The following CABP7 variants were observed in gnomAD, a reference collection of about 807,000 sequenced individuals.
CABP7 encodes the protein calcium-binding protein 7.
Under a neutral mutation model 23.1 loss-of-function variants are expected in CABP7, and 13 were observed. That is an observed-to-expected ratio of 0.56 (90% CI 0.37 to 0.90). CABP7 has a LOEUF of 0.90. Among genes scored for constraint, CABP7 ranks in the 40% least tolerant of loss-of-function variants. The pLI, the probability that CABP7 is intolerant of heterozygous loss-of-function variation, is 0.01. For missense variants in CABP7, 248 were observed against 295.6 expected, an observed-to-expected ratio of 0.84 and a Z score of 1.18; for synonymous variants, 123 against 115.3, an observed-to-expected ratio of 1.07 and a Z score of -0.43.
At chr22:29,723,683 A>T (rs2067777176) in intron 1 of CABP7, among the ~76,000 whole-genome samples, 1 of 152,158 alleles carries the variant, frequency 6.6e-6, no homozygotes, top group South Asian at 2.1e-4. Context: ...GAGGCTGGGG[A>T]GTCCCCTTTC....
chr22:29,727,775 GA>G lies in CABP7; in HGVS notation c.224del (p.Glu75GlyfsTer21). Reference sequence around the variant, plus strand: ...TTACATGCCCAACGAGGTGGAGCTGGAGGTCATCATCCAGCGGCTGGACATG... The same window carrying G: ...TTACATGCCCAACGAGGTGGAGCTGGGGTCATCATCCAGCGGCTGGACATG... ...LGYMPNEVEL[E>X]VIIQRLDMDG... On this transcript the variant is annotated frameshift_variant, in exon 2 of 5. Coordinates refer to ENST00000216144, the MANE Select transcript of CABP7 (RefSeq NM_182527.3). LOFTEE classifies it high-confidence loss of function. The surrounding 1 kb of genome is among the most constrained non-coding windows in gnomAD (Gnocchi z 4.2). The G allele has an allele frequency of 2.5e-6, 4 of 1,612,162 alleles. No homozygotes were observed. The highest frequency in any genetic ancestry group is 3.4e-6 in the Non-Finnish European group (4 of 1,179,048).
At chr22:29,726,706 G>A (rs2067797732) in intron 1 of CABP7, among the ~76,000 whole-genome samples, 1 of 152,246 alleles carries the variant, frequency 6.6e-6, no homozygotes, top group Non-Finnish European at 1.5e-5. Context: ...AAGCAAACAA[G>A]GAGACCCCCG....
intron 1 of CABP7, among the ~76,000 whole-genome samples, chr22:29,722,648 G>A (rs1313488307): frequency 6.6e-6 from 1 of 152,262 alleles, no homozygotes; most frequent in Non-Finnish European, 1.5e-5. Context: ...GTCCCTTTCA[G>A]CAGTCCTTGA....
At position 29,720,329 on chromosome 22, in the gene CABP7, G is replaced by GCGCCCCGCC. The variant is rs1186027810; in HGVS notation, c.-92_-84dup. The GCGCCCCGCC allele has an allele frequency of 7.7e-5, 36 of 465,958 alleles. No homozygotes were observed. In the Admixed American group the frequency reaches 2.1e-3, roughly 27 times the overall value. 28.9% of individuals were successfully genotyped at this position (465,958 alleles called of 1,614,324 possible). A position where few individuals can be genotyped will look rare whatever the true frequency, so the allele number is the denominator to read the frequency against. ...TGCCGCCGCCGCCCTCCGCAGCCGC[G>GCGCCCCGCC]CGCCCCGCCCGCTCCAGCCGCCCCC... On this transcript the variant is annotated 5_prime_UTR_variant, in exon 1 of 5. Transcript: ENST00000216144. The surrounding 1 kb of genome is among the most constrained non-coding windows in gnomAD (Gnocchi z 5.2).
chr22:29,721,257 G>A (rs1278963589), intron 1 of CABP7, among the ~76,000 whole-genome samples: 1 of 152,196 alleles, frequency 6.6e-6, no homozygotes, highest in African/African-American at 2.4e-5. Context: ...GACTCGCAGG[G>A]GGATGGCAGG....
Position 29,729,507 on chromosome 22 carries a change from G to A in CABP7, c.586G>A (p.Ala196Thr), listed in dbSNP as rs894069201. Residue 196 changes from alanine (A) to threonine (T), a missense_variant, in exon 5 of 5, where the codon GCC (alanine) becomes ACC (threonine). Transcript: ENST00000216144. ...GAGTCTCATCTGCGCCTTCGCCATC[G>A]CCTTCATCATCAGTGTCATGCTCAT... is the stretch of plus-strand genomic sequence containing the variant. ...RKSLICAFAIAFIISVMLIAA... is the reference protein window; with the variant it reads ...RKSLICAFAITFIISVMLIAA... 21 of 1,612,436 alleles carry A rather than the reference G, an allele frequency of 1.3e-5. No homozygotes were observed. The African/African-American group carries it at 1.3e-4, about 10-fold the overall frequency.
rs747948823 is a variant in CABP7, at chr22:29,728,758, T to A, written c.366+16T>A. 25 of 1,557,332 alleles carry A rather than the reference T, an allele frequency of 1.6e-5. No individual in the cohort carries two copies. Among genetic ancestry groups the A allele is most frequent in the Admixed American group, 1.5e-4 (9 of 59,920 alleles). ...CTTCTGGAAGGTATCCCCTGGCTAG[T>A]TGGGACCCAGGGCTGTGCACACTGT... On this transcript the variant is annotated intron_variant, in intron 3 of 4. Transcript: ENST00000216144.
chr22:29,723,717 A>G (rs1375479932), intron 1 of CABP7, among the ~76,000 whole-genome samples: 1 of 152,230 alleles, frequency 6.6e-6, no homozygotes, highest in African/African-American at 2.4e-5. Context: ...CTGCAAGGCC[A>G]GGAGCCGCCT....
Position 29,731,484 on chromosome 22 carries a change from C to G in CABP7, c.*1915C>G, listed in dbSNP as rs542631882. On this transcript the variant is annotated 3_prime_UTR_variant, in exon 5 of 5. Coordinates refer to ENST00000216144, the MANE Select transcript of CABP7 (RefSeq NM_182527.3). ...CTGCCTGCATGACTTTTCTGGAAGG[C>G]AGAGCCTCGAAAATAGGCAGACCGT... is the stretch of plus-strand genomic sequence containing the variant. 2.9e-5 allele frequency: 38 copies of G among 1,291,648 alleles called. No homozygotes were observed. The highest frequency in any genetic ancestry group is 1.1e-4 in the Admixed American group (3 of 26,916). 80.0% of individuals were successfully genotyped at this position (1,291,648 alleles called of 1,614,324 possible). A position where few individuals can be genotyped will look rare whatever the true frequency, so the allele number is the denominator to read the frequency against.
At position 29,730,218 on chromosome 22, in the gene CABP7, G is replaced by T. The variant is rs2067829480; in HGVS notation, c.*649G>T. ...CACAGGTGAGGAACCCGAGGCTCAG[G>T]GCCCCGAGACTTGGCCTCAGTTCTT... On this transcript the variant is annotated 3_prime_UTR_variant, in exon 5 of 5. Transcript: ENST00000216144. 1 of 152,838 alleles carries T rather than the reference G, an allele frequency of 6.5e-6. No homozygotes were observed. Among genetic ancestry groups the T allele is most frequent in the East Asian group, 1.9e-4 (1 of 5,326 alleles). 9.5% of individuals were successfully genotyped at this position (152,838 alleles called of 1,614,324 possible).
rs539196616 is a variant in CABP7 at position 29,721,736 on chromosome 22, C to T, written c.109+1203C>T. Among the ~76,000 whole-genome samples, 35 of 152,264 alleles carry T rather than the reference C, an allele frequency of 2.3e-4. No individual in the cohort carries two copies. In the South Asian group the frequency reaches 5.6e-3, roughly 24 times the overall value. On this transcript the variant is annotated intron_variant, in intron 1 of 4. Transcript: ENST00000216144. The stretch of plus-strand genomic sequence containing the variant: ...GGGAAGATCCAGAGAGAGAAGGCAG[C>T]CTCTGCCTCGCTCACTGCACCATAG...
At position 29,731,817 on chromosome 22, in the gene CABP7, T is replaced by G. The variant is rs2067848706; in HGVS notation, c.*2248T>G. 1 of 152,852 alleles carries G rather than the reference T, an allele frequency of 6.5e-6. No individual in the cohort carries two copies. The highest frequency in any genetic ancestry group is 1.5e-5 in the Non-Finnish European group (1 of 68,412). 9.5% of individuals were successfully genotyped at this position (152,852 alleles called of 1,614,324 possible). A position where few individuals can be genotyped will look rare whatever the true frequency, so the allele number is the denominator to read the frequency against. Reference sequence around the variant, plus strand: ...AATATATAAATGCATAAAAAAATCCTGGAAGACACAGCAAAATGTTAACAG... The same window carrying G: ...AATATATAAATGCATAAAAAAATCCGGGAAGACACAGCAAAATGTTAACAG... On this transcript the variant is annotated 3_prime_UTR_variant, in exon 5 of 5. Transcript: ENST00000216144.
Position 29,731,375 on chromosome 22 carries a change from G to T in CABP7, c.*1806G>T. 1.3e-6 allele frequency: 2 copies of T among 1,542,714 alleles called. No homozygotes were observed. Among genetic ancestry groups the T allele is most frequent in the South Asian group, 1.3e-5 (1 of 79,064 alleles). On this transcript the variant is annotated 3_prime_UTR_variant, in exon 5 of 5. Transcript: ENST00000216144. The stretch of plus-strand genomic sequence containing the variant: ...CAGCCCTAGAGAGAGAGAGAGAAGC[G>T]GGGAGAATAAGAGTGCACTACAGCC...
Position 29,727,611 on chromosome 22 carries a change from G to A in CABP7, c.110-51G>A. 2.5e-6 allele frequency: 4 copies of A among 1,609,232 alleles called. No individual in the cohort carries two copies. In the Middle Eastern group the frequency reaches 5.0e-4, roughly 200 times the overall value. On this transcript the variant is annotated intron_variant, in intron 1 of 4. Transcript: ENST00000216144. This position sits in a 1 kb window ranked among gnomAD's most constrained non-coding sequence, Gnocchi z 4.2. ...GGTGATCCTGGGGGTCTGGAAAGGG[G>A]GTCTGTTGGGGACCGGGGTGAAGTC...
At chr22:29,728,576 G>A in intron 2 of CABP7, 54 bp from the exon 3 acceptor site, 1 of 1,195,676 alleles carries the variant, frequency 8.4e-7, no homozygotes, top group South Asian at 1.2e-5. Context: ...TCTGGGCCCT[G>A]GGCTGCAGGC....
In CABP7 at chr22:29,731,092, C is replaced by T. The variant is rs1601710888; in HGVS notation, c.*1523C>T. On this transcript the variant is annotated 3_prime_UTR_variant, in exon 5 of 5. Coordinates refer to ENST00000216144, the MANE Select transcript of CABP7 (RefSeq NM_182527.3). ...GGACGAGGGCTGCACTTGGTGTGGCCGTGTCCTGAGCCTCAGTGAGGCTGG... is the reference window on the plus strand; with the variant it reads ...GGACGAGGGCTGCACTTGGTGTGGCTGTGTCCTGAGCCTCAGTGAGGCTGG... 4 of 1,006,880 alleles carry T rather than the reference C, an allele frequency of 4.0e-6. No individual in the cohort carries two copies. Among genetic ancestry groups the T allele is most frequent in the East Asian group, 2.9e-5 (1 of 34,206 alleles). The allele number at this position is 1,006,880 out of a possible 1,614,324, so 62.4% of individuals were successfully genotyped here. A position where few individuals can be genotyped will look rare whatever the true frequency, so the allele number is the denominator to read the frequency against.
At chr22:29,726,197 G>C (rs1036372115) in intron 1 of CABP7, among the ~76,000 whole-genome samples, 1 of 152,186 alleles carries the variant, frequency 6.6e-6, no homozygotes, top group Non-Finnish European at 1.5e-5. Context: ...AAGTCTGGGG[G>C]CCCAGGCAAC....
chr22:29,727,057 AC>A lies in CABP7; in HGVS notation c.110-599del, dbSNP rs565632046. 1.4e-4 allele frequency among the ~76,000 whole-genome samples: 21 copies of A among 151,174 alleles called. No homozygotes were observed. Among genetic ancestry groups the A allele is most frequent in the African/African-American group, 5.1e-4 (21 of 41,096 alleles). On this transcript the variant is annotated intron_variant, in intron 1 of 4. Transcript: ENST00000216144. The surrounding 1 kb of genome is among the most constrained non-coding windows in gnomAD (Gnocchi z 4.2). ...TCTGCTCCGTACAGTGTGGAGGGCG[AC>A]CCCCCACCCAGTCTGGTCTGGCCTG...
rs1038808028 is a variant in CABP7, at chr22:29,727,141, C to T, written c.110-521C>T. 2.6e-5 allele frequency among the ~76,000 whole-genome samples: 4 copies of T among 152,170 alleles called. No individual in the cohort carries two copies. The highest frequency in any genetic ancestry group is 4.8e-5 in the African/African-American group (2 of 41,430). The stretch of plus-strand genomic sequence containing the variant: ...TCCCTGAACCAAAAGAGGTCTGTGC[C>T]GCCTGTCAGCCCATTAGTCTGGAGC... On this transcript the variant is annotated intron_variant, in intron 1 of 4. Coordinates refer to ENST00000216144, the MANE Select transcript of CABP7 (RefSeq NM_182527.3). This position sits in a 1 kb window ranked among gnomAD's most constrained non-coding sequence, Gnocchi z 4.2.
Sources: gnomAD v4.1 joint callset for allele counts (sites outside exome capture counted in the v4.1 genomes callset) on GRCh38, gnomAD v4.1.1 for gene constraint, Gnocchi (gnomAD v3.1) non-coding constraint, MANE v1.5 for transcripts, NCBI Gene and HGNC (gene_info 2026-07-23, HGNC 2026-07-21) for gene names.